RRM1: variants seen among roughly 807,000 people sequenced by gnomAD.
The protein encoded by RRM1 is ribonucleotide reductase catalytic subunit M1, also known as ribonucleoside-diphosphate reductase large subunit.
A neutral mutation model predicts 101.5 loss-of-function variants in RRM1; 19 were observed. That is an observed-to-expected ratio of 0.19 (90% CI 0.13 to 0.27). The LOEUF (loss-of-function observed/expected upper bound fraction) is 0.27. Ranked by LOEUF, RRM1 falls within the 10% of genes least tolerant of loss-of-function variation. RRM1 has a pLI of 1.00. For missense variants in RRM1, 500 were observed against 962.9 expected, an observed-to-expected ratio of 0.52 and a Z score of 6.36; for synonymous variants, 298 against 323.4, an observed-to-expected ratio of 0.92 and a Z score of 0.84.
At position 4,133,645 on chromosome 11, in the gene RRM1, A is replaced by G. The variant is rs769091226; in HGVS notation, c.1988A>G (p.Asn663Ser). ...EEMKNQIIAC[N>S]GSIQSIPEIP... ...ATGAAAAACCAGATTATTGCATGCA[A>G]TGGCTCTATTCAGGTATAGAATGAA... Residue 663 changes from asparagine (N) to serine (S), a missense_variant, in exon 17 of 19, where the codon AAT becomes AGT. Asn to Ser is a conservative substitution (Grantham distance 46). Transcript: ENST00000300738. 52 of 1,603,482 alleles carry G rather than the reference A, an allele frequency of 3.2e-5. No individual in the cohort carries two copies. Among genetic ancestry groups the G allele is most frequent in the Non-Finnish European group, 4.4e-5 (51 of 1,170,962 alleles).
intron 7 of RRM1, among the ~76,000 whole-genome samples, chr11:4,114,955 C>T (rs548737174): frequency 6.6e-6 from 1 of 152,222 alleles, no homozygotes; most frequent in East Asian, 1.9e-4. Flanking sequence ...TTGAGTGATC[C>T]GTCTTCCTTG....
chr11:4,113,806 CAT>C (rs1407861572), intron 7 of RRM1, among the ~76,000 whole-genome samples: 1 of 152,142 alleles, frequency 6.6e-6, no homozygotes, highest in Admixed American at 6.5e-5. Context: ...TGTATCCAAA[CAT>C]ATCACAGTAA....
At chr11:4,109,461 T>G (rs2094562535) in intron 4 of RRM1, among the ~76,000 whole-genome samples, 183 bp from the exon 5 acceptor site, 1 of 152,132 alleles carries the variant, frequency 6.6e-6, no homozygotes, top group South Asian at 2.1e-4. Context: ...ACTTAATTTA[T>G]ATGTATTGTT....
At chr11:4,125,107 G>T (rs1273666693) in intron 12 of RRM1, among the ~76,000 whole-genome samples, 1 of 151,852 alleles carries the variant, frequency 6.6e-6, no homozygotes, top group Non-Finnish European at 1.5e-5. Context: ...TAGGGACGAG[G>T]TTTCACTATG....
intron 7 of RRM1, among the ~76,000 whole-genome samples, chr11:4,117,099 A>T (rs1282431256): frequency 6.6e-6 from 1 of 152,268 alleles, no homozygotes; most frequent in African/African-American, 2.4e-5. Context: ...ACTGTGCAAT[A>T]GGAAAATGAA....
intron 17 of RRM1, among the ~76,000 whole-genome samples, chr11:4,134,389 T>G (rs2094605624): frequency 6.6e-6 from 1 of 152,252 alleles, no homozygotes; most frequent in Non-Finnish European, 1.5e-5. Flanking sequence ...AAATCATGGT[T>G]GACGACTGAT....
At chr11:4,105,096 A>T (rs1469108537) in intron 2 of RRM1, among the ~76,000 whole-genome samples, 1 of 152,212 alleles carries the variant, frequency 6.6e-6, no homozygotes, top group Non-Finnish European at 1.5e-5. Flanking sequence ...GGCTATACTT[A>T]GATTTTTTTT....
intron 17 of RRM1, among the ~76,000 whole-genome samples, chr11:4,134,214 C>T (rs747838259): frequency 1.3e-5 from 2 of 152,160 alleles, no homozygotes; most frequent in South Asian, 2.1e-4. Context: ...TCAGGTGATC[C>T]GCCTGCCTTG....
chr11:4,115,077 A>G (rs2094570958), intron 7 of RRM1, among the ~76,000 whole-genome samples: 1 of 152,212 alleles, frequency 6.6e-6, no homozygotes, highest in Admixed American at 6.5e-5. Flanking sequence ...AATAAATGGA[A>G]TAGATTCAAT....
chr11:4,106,316 T>C, intron 3 of RRM1, 93 bp downstream of exon 3: 1 of 1,111,010 alleles, frequency 9.0e-7, no homozygotes, highest in Non-Finnish European at 1.3e-6. Flanking sequence ...GAAGCAAATA[T>C]GGCTAGATGG....
chr11:4,116,081 G>A (rs2094572820), intron 7 of RRM1: 1 of 152,244 alleles, frequency 6.6e-6, no homozygotes. Context: ...GAGGGCCAGG[G>A]AAGTCTCGCT....
intron 7 of RRM1, among the ~76,000 whole-genome samples, chr11:4,116,579 G>A (rs2094573749): frequency 6.6e-6 from 1 of 151,818 alleles, no homozygotes; most frequent in African/African-American, 2.4e-5. Context: ...GCAAAAGAGT[G>A]AGACTCTGTC....
At position 4,118,449 on chromosome 11, in the gene RRM1, C is replaced by T; in HGVS notation, c.780C>T (p.Ser260=). 2 of 1,613,986 alleles carry T rather than the reference C, an allele frequency of 1.2e-6. No individual in the cohort carries two copies. Among genetic ancestry groups the T allele is most frequent in the Non-Finnish European group, 8.5e-7 (1 of 1,179,948 alleles). ...VAVSCIRATG[S]YIAGTNGNSN... ...TGAGTTGTATTCGGGCTACTGGCAGCTACATTGCTGGGGTAGGTTTCTGCC... is the reference window on the plus strand; with the variant it reads ...TGAGTTGTATTCGGGCTACTGGCAGTTACATTGCTGGGGTAGGTTTCTGCC... Residue 260 remains serine (S), a synonymous_variant, in exon 8 of 19, where the codon AGC becomes AGT. Transcript: ENST00000300738.
chr11:4,101,863 C>CA, intron 1 of RRM1, 130 bp from the exon 2 acceptor site: 1 of 612,010 alleles, frequency 1.6e-6, no homozygotes, highest in Admixed American at 3.2e-5. Flanking sequence ...GAGGGGGCCT[C>CA]AATCTTTTCT....
intron 8 of RRM1, among the ~76,000 whole-genome samples, chr11:4,119,368 A>G (rs2094578314): frequency 6.6e-6 from 1 of 152,182 alleles, no homozygotes; most frequent in Non-Finnish European, 1.5e-5. Context: ...TCTTAACATC[A>G]TTCTAGAGTC....
chr11:4,137,175 A>G (rs1292577932), intron 18 of RRM1: 2 of 249,902 alleles, frequency 8.0e-6, no homozygotes, highest in South Asian at 4.0e-5. Context: ...ACTTCTTTCT[A>G]CACAGACACG....
intron 7 of RRM1, among the ~76,000 whole-genome samples, chr11:4,113,117 TA>T (rs5789320): frequency 0.55 from 82,467 of 149,982 alleles, 22,939 homozygotes; most frequent in East Asian, 0.65. Flanking sequence ...GGTAATACAT[TA>T]AAAAAAAAAA....
chr11:4,103,215 G>A (rs1006389608), intron 2 of RRM1, among the ~76,000 whole-genome samples: 1 of 152,182 alleles, frequency 6.6e-6, no homozygotes, highest in Non-Finnish European at 1.5e-5. Context: ...TGCTTGACAT[G>A]TATCTAATTA....
chr11:4,123,420 G>A, intron 12 of RRM1, 36 bp downstream of exon 12: 1 of 1,512,230 alleles, frequency 6.6e-7, no homozygotes, highest in Non-Finnish European at 9.2e-7. Context: ...GTACTAAGAA[G>A]AGAACCTTAG....
Sources: allele counts gnomAD v4.1 joint callset (sites outside exome capture counted in the v4.1 genomes callset), GRCh38; gene constraint gnomAD v4.1.1; transcripts MANE v1.5; gene names NCBI Gene and HGNC (gene_info 2026-07-23, HGNC 2026-07-21).